FRYL: variants seen among roughly 807,000 people sequenced by gnomAD.
The protein encoded by FRYL is FRY like transcription coactivator, also known as protein furry homolog-like.
In FRYL, 150 loss-of-function variants were observed where a neutral mutation model predicts 351.2. The ratio of observed to expected loss-of-function variants is 0.43; its 90% CI spans 0.37 to 0.49. The LOEUF is 0.49. FRYL is among the 20% of genes least tolerant of loss of function. The pLI is 0.00. For synonymous variants in FRYL, 1,153 were observed against 1,257.1 expected (o/e 0.92, Z 1.75); for missense variants, 3,036 against 3,619.3 (o/e 0.84, Z 4.13).
At chr4:48,676,781 A>T (rs1286552727) in intron 3 of FRYL, among the ~76,000 whole-genome samples, 4 of 152,178 alleles carry the variant, frequency 2.6e-5, no homozygotes, top group Non-Finnish European at 5.9e-5. Context: ...GCCTATGTGA[A>T]ATTCAAATGC....
intron 2 of FRYL, among the ~76,000 whole-genome samples, chr4:48,703,369 G>T (rs1286790384): frequency 2.6e-5 from 4 of 152,190 alleles, no homozygotes; most frequent in Non-Finnish European, 5.9e-5. Context: ...ACAACAGTCT[G>T]CTAACCAGCT....
intron 1 of FRYL, among the ~76,000 whole-genome samples, chr4:48,739,705 G>A (rs550142872): frequency 5.9e-5 from 9 of 152,130 alleles, no homozygotes; most frequent in Non-Finnish European, 1.2e-4. Context: ...AAACTGATAA[G>A]CTGGTATCAC....
chr4:48,594,551 T>C (rs1744207475), intron 15 of FRYL, among the ~76,000 whole-genome samples: 1 of 152,222 alleles, frequency 6.6e-6, no homozygotes, highest in Non-Finnish European at 1.5e-5. Context: ...CACAAGTTTT[T>C]TGAACACTTG....
Position 48,609,085 on chromosome 4 carries a change from C to T in FRYL, c.492-18G>A, listed in dbSNP as rs116081240. The T allele has an allele frequency of 0.013, 19,370 of 1,458,830 alleles. 181 individuals are homozygous for T. Among genetic ancestry groups the T allele is most frequent in the Non-Finnish European group, 0.015 (15,992 of 1,045,240 alleles). The allele number at this position is 1,458,830 out of a possible 1,614,324, so 90.4% of individuals were successfully genotyped here. A position where few individuals can be genotyped will look rare whatever the true frequency, so the allele number is the denominator to read the frequency against. ...CTGAATATCTAAAATAACAAAAGAA[C>T]AAACATAACATTTCATTAAATTTTT... On this transcript the variant is annotated intron_variant, in intron 8 of 63. Transcript: ENST00000358350.
In FRYL at chr4:48,632,104, A is replaced by ATATATGTG. The variant is rs1553957626; in HGVS notation, c.120+2186_120+2187insCACATATA. ...AAAAAAAAAAAAAATATATATATATATATATATATATATATATATATATAT... is the reference window on the plus strand; with the variant it reads ...AAAAAAAAAAAAAATATATATATATATATATGTGTATATATATATATATATATATATAT... On this transcript the variant is annotated intron_variant, in intron 4 of 63. Coordinates refer to ENST00000358350, the MANE Select transcript of FRYL (RefSeq NM_015030.2). Among the ~76,000 whole-genome samples the ATATATGTG allele has an allele frequency of 1.4e-4, 7 of 49,898 alleles. No homozygotes were observed. The East Asian group carries it at 2.6e-3, about 18-fold the overall frequency. 32.7% of individuals were successfully genotyped at this position (49,898 alleles called of 152,430 possible).
intron 1 of FRYL, among the ~76,000 whole-genome samples, chr4:48,724,623 T>C (rs1036483818): frequency 1.3e-5 from 2 of 152,200 alleles, no homozygotes. Context: ...CATCATCTCC[T>C]GGGTCACAGG....
chr4:48,700,646 C>A (rs1766625752), intron 2 of FRYL, among the ~76,000 whole-genome samples: 1 of 149,688 alleles, frequency 6.7e-6, no homozygotes. Flanking sequence ...TAAAAAAAAT[C>A]AAAATCCTAG....
chr4:48,603,087 C>A (rs1387522700), intron 12 of FRYL, among the ~76,000 whole-genome samples: 1 of 152,190 alleles, frequency 6.6e-6, no homozygotes, highest in African/African-American at 2.4e-5. Flanking sequence ...AACAACTCAA[C>A]AAATGCAGAG....
chr4:48,506,214 T>C (rs1720874038), intron 59 of FRYL: 2 of 152,036 alleles, frequency 1.3e-5, no homozygotes, highest in African/African-American at 4.8e-5. Flanking sequence ...TGGTTTTTCC[T>C]TCTCTGGGGG....
intron 2 of FRYL, among the ~76,000 whole-genome samples, chr4:48,698,754 T>A (rs1766442826): frequency 6.6e-6 from 1 of 152,038 alleles, no homozygotes; most frequent in South Asian, 2.1e-4. Flanking sequence ...CCAGTACACA[T>A]CCTGTAACTC....
intron 19 of FRYL, among the ~76,000 whole-genome samples, chr4:48,583,068 A>G (rs1480506608): frequency 1.3e-5 from 2 of 152,242 alleles, no homozygotes; most frequent in Middle Eastern, 3.4e-3. Flanking sequence ...ATCAAAAATG[A>G]TATCTAATCA....
rs558682560 is a variant in FRYL, at chr4:48,681,293, C to T, written c.-81+3380G>A. 8.2e-5 allele frequency: 19 copies of T among 231,278 alleles called. No individual in the cohort carries two copies. In the East Asian group the frequency reaches 2.0e-3, roughly 24 times the overall value. The allele number at this position is 231,278 out of a possible 1,614,324, so 14.3% of individuals were successfully genotyped here. On this transcript the variant is annotated intron_variant, in intron 3 of 63. Transcript: ENST00000358350. ...CAGTCAATTGCCAGCTGTTTTGAAGCTGATTTTCAGGACATTACTGTTTGT... is the reference window on the plus strand; with the variant it reads ...CAGTCAATTGCCAGCTGTTTTGAAGTTGATTTTCAGGACATTACTGTTTGT...
chr4:48,512,431 C>A, intron 57 of FRYL, 50 bp downstream of exon 57: 1 of 1,365,750 alleles, frequency 7.3e-7, no homozygotes, highest in Non-Finnish European at 1.0e-6. Context: ...AAAACTGTAA[C>A]TTGATTAGGT....
chr4:48,513,255 T>C (rs1399005009), intron 56 of FRYL, among the ~76,000 whole-genome samples: 1 of 152,202 alleles, frequency 6.6e-6, no homozygotes, highest in African/African-American at 2.4e-5. Context: ...GAGCCAGAAT[T>C]TGAACCCAGG....
chr4:48,609,068 C>T lies in FRYL; in HGVS notation c.492-1G>A. The stretch of plus-strand genomic sequence containing the variant: ...ATTCCCAGTGTTGGTTCCTGAATAT[C>T]TAAAATAACAAAAGAACAAACATAA... On this transcript the variant is annotated splice_acceptor_variant, in intron 8 of 63. Coordinates refer to ENST00000358350, the MANE Select transcript of FRYL (RefSeq NM_015030.2). LOFTEE classifies it high-confidence loss of function. The T allele has an allele frequency of 6.4e-7, 1 of 1,567,804 alleles. No individual in the cohort carries two copies. The highest frequency in any genetic ancestry group is 8.8e-7 in the Non-Finnish European group (1 of 1,140,444).
At chr4:48,717,106 A>G (rs1313514558) in intron 1 of FRYL, among the ~76,000 whole-genome samples, 3 of 113,584 alleles carry the variant, frequency 2.6e-5, no homozygotes, top group African/African-American at 1.0e-4. Context: ...GGAACATCAC[A>G]CTCTGGGGAC....
chr4:48,653,909 CAG>C (rs1340766199), intron 3 of FRYL: 179 of 1,247,792 alleles, frequency 1.4e-4, no homozygotes, highest in Middle Eastern at 3.4e-4. Flanking sequence ...TCACAGGCAG[CAG>C]AGTTTTGGCC....
chr4:48,667,215 G>A (rs1482990052), intron 3 of FRYL, among the ~76,000 whole-genome samples: 3 of 152,168 alleles, frequency 2.0e-5, no homozygotes, highest in Non-Finnish European at 4.4e-5. Flanking sequence ...TGGAAGGCAT[G>A]TAGGTATACC....
chr4:48,534,459 T>G, intron 49 of FRYL, 86 bp downstream of exon 49: 1 of 1,041,936 alleles, frequency 9.6e-7, no homozygotes, highest in Non-Finnish European at 1.4e-6. Flanking sequence ...TCCCCATTCT[T>G]CGACATTTAA....
Sources: allele counts gnomAD v4.1 joint callset (sites outside exome capture counted in the v4.1 genomes callset), GRCh38; gene constraint gnomAD v4.1.1; transcripts MANE v1.5; gene names NCBI Gene and HGNC (gene_info 2026-07-23, HGNC 2026-07-21).